CNTNAP2: variants seen among roughly 807,000 people sequenced by gnomAD.
The protein encoded by CNTNAP2 is contactin associated protein 2.
CNTNAP2 carries 98 observed loss-of-function variants against 155.2 expected under a neutral mutation model. The observed-to-expected ratio is 0.63, with a 90% CI of 0.54 to 0.75. The LOEUF (loss-of-function observed/expected upper bound fraction) is 0.75. CNTNAP2 is among the 30% of genes least tolerant of loss of function. The probability of loss-of-function intolerance (pLI) is 0.00; values close to 1 mark genes in which losing one functional copy is unlikely to be tolerated. For missense variants in CNTNAP2, 1,727 were observed against 1,688.1 expected (o/e 1.02, Z -0.40); for synonymous variants, 651 against 631.2 (o/e 1.03, Z -0.47).
At chr7:147,806,383 A>G (rs1029251955) in intron 13 of CNTNAP2, among the ~76,000 whole-genome samples, 1 of 152,204 alleles carries the variant, frequency 6.6e-6, no homozygotes, top group African/African-American at 2.4e-5. Context: ...ACACTTGCCC[A>G]CTGGTGGTGG....
intron 15 of CNTNAP2, among the ~76,000 whole-genome samples, chr7:148,004,688 G>C (rs1466326134): frequency 6.6e-6 from 1 of 152,062 alleles, no homozygotes; most frequent in African/African-American, 2.4e-5. Context: ...CTTCAGCCCT[G>C]TTCTTTAATA....
intron 3 of CNTNAP2, among the ~76,000 whole-genome samples, chr7:146,910,915 G>C (rs989330921): frequency 3.3e-5 from 5 of 150,952 alleles, no homozygotes; most frequent in African/African-American, 1.2e-4. Flanking sequence ...ATCTGACAAA[G>C]AGCTAATATC....
chr7:147,565,859 G>A (rs73464972), intron 12 of CNTNAP2, among the ~76,000 whole-genome samples: 5,040 of 152,184 alleles, frequency 0.033, 130 homozygotes, highest in African/African-American at 0.055. Flanking sequence ...ACAGTTGGGT[G>A]AGCCCCAAAA....
intron 2 of CNTNAP2, among the ~76,000 whole-genome samples, chr7:146,832,470 A>C (rs548777413): frequency 1.3e-5 from 2 of 148,782 alleles, no homozygotes; most frequent in East Asian, 3.9e-4. Context: ...ACATTAACAT[A>C]TATATTTATA....
At chr7:146,648,573 C>T (rs1245769854) in intron 1 of CNTNAP2, among the ~76,000 whole-genome samples, 3 of 151,918 alleles carry the variant, frequency 2.0e-5, no homozygotes, top group Non-Finnish European at 4.4e-5. Flanking sequence ...GTCTAAGAGA[C>T]CAAATAGATT....
chr7:147,800,612 C>G (rs1249204226), intron 13 of CNTNAP2, among the ~76,000 whole-genome samples: 1 of 152,088 alleles, frequency 6.6e-6, no homozygotes, highest in Non-Finnish European at 1.5e-5. Context: ...AGTTCTATAG[C>G]ATATGGAGGA....
chr7:147,925,527 C>T (rs76627020), intron 14 of CNTNAP2, among the ~76,000 whole-genome samples: 30,138 of 151,846 alleles, frequency 0.2, 3,655 homozygotes, highest in Middle Eastern at 0.34. Context: ...AGTGCAGTGG[C>T]GTGATCTTGG....
At chr7:147,583,512 A>ATATATATATACATATATATATATATATG (rs1563008280) in intron 12 of CNTNAP2, among the ~76,000 whole-genome samples, 14 of 143,388 alleles carry the variant, frequency 9.8e-5, no homozygotes, top group African/African-American at 3.2e-4. Context: ...ACATATATAT[A>ATATATATATACATATATATATATATATG]TATATATATA....
intron 8 of CNTNAP2, among the ~76,000 whole-genome samples, chr7:147,246,861 T>C (rs908766725): frequency 1.3e-5 from 2 of 152,138 alleles, no homozygotes; most frequent in Admixed American, 6.5e-5. Context: ...CTAAAAATAG[T>C]TGCTAAAAAC....
chr7:146,320,671 T>C (rs1800984993), intron 1 of CNTNAP2, among the ~76,000 whole-genome samples: 1 of 152,130 alleles, frequency 6.6e-6, no homozygotes, highest in East Asian at 1.9e-4. Flanking sequence ...GACCAAAACA[T>C]AGCAGGGAGT....
rs1287580450 is a variant in CNTNAP2, at chr7:146,274,694, G to T, written c.97+157721G>T. 3.3e-5 allele frequency among the ~76,000 whole-genome samples: 5 copies of T among 152,182 alleles called. No homozygotes were observed. The East Asian group carries it at 9.7e-4, about 29-fold the overall frequency. ...AATCGGTTTTCCATGGATGAAGAAG[G>T]ATTCAATGAGGGAGAAATGGGCAGT... On this transcript the variant is annotated intron_variant, in intron 1 of 23. Coordinates refer to ENST00000361727, the MANE Select transcript of CNTNAP2 (RefSeq NM_014141.6).
intron 1 of CNTNAP2, among the ~76,000 whole-genome samples, chr7:146,477,666 CACACACACAT>C (rs1214201201): frequency 2.1e-5 from 3 of 143,424 alleles, no homozygotes; most frequent in African/African-American, 8.4e-5. Context: ...CACACACACA[CACACACACAT>C]CTTCTGGATT....
At chr7:146,357,374 A>C (rs1364283952) in intron 1 of CNTNAP2, among the ~76,000 whole-genome samples, 1 of 152,184 alleles carries the variant, frequency 6.6e-6, no homozygotes, top group Non-Finnish European at 1.5e-5. Flanking sequence ...TAGGATTAAA[A>C]ATTATGCCTC....
At chr7:148,345,599 G>A (rs1798311976) in intron 21 of CNTNAP2, among the ~76,000 whole-genome samples, 1 of 152,092 alleles carries the variant, frequency 6.6e-6, no homozygotes, top group African/African-American at 2.4e-5. Context: ...TGGCCAGGCT[G>A]GTCTCGAACC....
intron 3 of CNTNAP2, among the ~76,000 whole-genome samples, chr7:147,018,201 A>G (rs1016506700): frequency 6.6e-6 from 1 of 152,086 alleles, no homozygotes; most frequent in East Asian, 1.9e-4. Context: ...TGTATATTCC[A>G]CATAAAATCC....
At chr7:148,155,720 A>C (rs1480520308) in intron 17 of CNTNAP2, among the ~76,000 whole-genome samples, 1 of 152,172 alleles carries the variant, frequency 6.6e-6, no homozygotes, top group Non-Finnish European at 1.5e-5. Flanking sequence ...AACAATAACA[A>C]ATTTTCTAAA....
intron 3 of CNTNAP2, among the ~76,000 whole-genome samples, chr7:146,948,791 G>C (rs1203600187): frequency 6.6e-6 from 1 of 152,126 alleles, no homozygotes; most frequent in African/African-American, 2.4e-5. Flanking sequence ...TGGTGTACAT[G>C]ACAAAGCTTT....
intron 1 of CNTNAP2, among the ~76,000 whole-genome samples, chr7:146,608,604 T>C (rs1180535117): frequency 1.3e-5 from 2 of 152,162 alleles, no homozygotes; most frequent in Non-Finnish European, 2.9e-5. Flanking sequence ...TCTTACAGAA[T>C]GTACCATTCA....
chr7:147,371,016 A>G (rs2116914561), intron 9 of CNTNAP2, among the ~76,000 whole-genome samples: 1 of 152,246 alleles, frequency 6.6e-6, no homozygotes, highest in East Asian at 1.9e-4. Flanking sequence ...GCTATATTGC[A>G]TGTGCTATAA....
Sources: allele counts gnomAD v4.1 joint callset (sites outside exome capture counted in the v4.1 genomes callset), GRCh38; gene constraint gnomAD v4.1.1; transcripts MANE v1.5; gene names NCBI Gene and HGNC (gene_info 2026-07-23, HGNC 2026-07-21).